Variants in MEIS1 observed in about 807,000 individuals in gnomAD.
MEIS1 encodes homeobox protein Meis1.
In MEIS1, 5 loss-of-function variants were observed where a neutral mutation model predicts 50.8. The ratio of observed to expected loss-of-function variants is 0.10; its 90% CI spans 0.05 to 0.21. The LOEUF is 0.21. Ranked by LOEUF, MEIS1 falls within the 10% of genes least tolerant of loss-of-function variation. MEIS1 has a pLI of 1.00. For synonymous variants in MEIS1, 176 were observed against 179.3 expected (o/e 0.98, Z 0.15); for missense variants, 318 against 517.3 (o/e 0.61, Z 3.74).
intron 9 of MEIS1, among the ~76,000 whole-genome samples, chr2:66,563,663 A>G (rs1470746971): frequency 6.6e-6 from 1 of 152,210 alleles, no homozygotes; most frequent in African/African-American, 2.4e-5. Context: ...TTTTAGAAAC[A>G]AACAGCTGGA....
At chr2:66,522,156 C>A (rs1487883510) in intron 8 of MEIS1, among the ~76,000 whole-genome samples, 10 of 152,180 alleles carry the variant, frequency 6.6e-5, no homozygotes, top group Non-Finnish European at 1.5e-5. Flanking sequence ...TTCCTTCTTT[C>A]TAGCCAGAAC....
chr2:66,470,487 T>C (rs1337145039), intron 7 of MEIS1, among the ~76,000 whole-genome samples: 1 of 152,234 alleles, frequency 6.6e-6, no homozygotes, highest in Non-Finnish European at 1.5e-5. Flanking sequence ...TTTCCTTTTA[T>C]TGACTCATCA....
Position 66,571,311 on chromosome 2 carries a change from C to A in MEIS1, c.*103C>A. On this transcript the variant is annotated 3_prime_UTR_variant, in exon 13 of 13. Transcript: ENST00000272369. ...TCCAATGGGTGTGAGTATGGGACAG[C>A]CAAGTTATACCCAACCCCAGATGCC... 1 of 1,598,228 alleles carries A rather than the reference C, an allele frequency of 6.3e-7. No homozygotes were observed. The highest frequency in any genetic ancestry group is 1.1e-5 in the South Asian group (1 of 89,340).
intron 8 of MEIS1, among the ~76,000 whole-genome samples, chr2:66,514,921 T>C (rs576746141): frequency 9.2e-5 from 14 of 152,306 alleles, no homozygotes; most frequent in Admixed American, 2.0e-4. Flanking sequence ...ATAAATTCTA[T>C]TTTAAAAACC....
intron 7 of MEIS1, among the ~76,000 whole-genome samples, chr2:66,486,942 T>G (rs2103797752): frequency 6.6e-6 from 1 of 152,356 alleles, no homozygotes; most frequent in South Asian, 2.1e-4. Flanking sequence ...GCACATTGAC[T>G]TTGTATCCTG....
Position 66,541,272 on chromosome 2 carries a change from T to C in MEIS1, c.889-6671T>C, listed in dbSNP as rs1247719992. Among the ~76,000 whole-genome samples, 3 of 152,038 alleles carry C rather than the reference T, an allele frequency of 2.0e-5. No individual in the cohort carries two copies. The South Asian group carries it at 6.2e-4, about 32-fold the overall frequency. ...CAGGATGGTCTCGATCTCCTGACCT[T>C]GTGATCCTCCCGTCTCGGCCTCCCA... On this transcript the variant is annotated intron_variant, in intron 8 of 12. Transcript: ENST00000272369.
At chr2:66,461,853 A>C in intron 6 of MEIS1, 3 of 470,750 alleles carry the variant, frequency 6.4e-6, no homozygotes, top group Non-Finnish European at 1.3e-5. Context: ...ATGGTGAATT[A>C]AGTGGTGGAT....
Position 66,464,178 on chromosome 2 carries a change from G to T in MEIS1, c.700G>T (p.Gly234Cys). The change falls in exon 7 of 13, where the codon GGT (glycine) becomes TGT (cysteine). Residue 234 changes from glycine to cysteine, a missense_variant. Transcript: ENST00000272369. Reference protein sequence around the residue: ...RSGGTPGPSSGGHTSHSGDNS... With the variant: ...RSGGTPGPSSCGHTSHSGDNS... ...AGGAGGAACCCCAGGCCCTTCCAGC[G>T]GTGGCCACACGTCACACAGTGGGGA... The T allele has an allele frequency of 1.2e-6, 2 of 1,605,122 alleles. No individual in the cohort carries two copies. The highest frequency in any genetic ancestry group is 1.7e-6 in the Non-Finnish European group (2 of 1,176,030).
chr2:66,538,648 C>A (rs1204022816), intron 8 of MEIS1, among the ~76,000 whole-genome samples: 1 of 152,160 alleles, frequency 6.6e-6, no homozygotes, highest in Admixed American at 6.5e-5. Context: ...TGCATCATCA[C>A]TGGGAATAGC....
At chr2:66,447,895 G>T (rs1672190160) in intron 6 of MEIS1, among the ~76,000 whole-genome samples, 1 of 152,064 alleles carries the variant, frequency 6.6e-6, no homozygotes, top group African/African-American at 2.4e-5. Flanking sequence ...ATGAATAATG[G>T]AAAGCAATGA....
chr2:66,464,621 T>C (rs775993719), intron 7 of MEIS1, among the ~76,000 whole-genome samples: 1 of 152,202 alleles, frequency 6.6e-6, no homozygotes, highest in Non-Finnish European at 1.5e-5. Flanking sequence ...TTAGGATGCT[T>C]ATAAGGCTGT....
intron 7 of MEIS1, among the ~76,000 whole-genome samples, chr2:66,473,397 A>AATATATATATATATATAT (rs1553373466): frequency 3.0e-4 from 32 of 107,450 alleles, no homozygotes; most frequent in African/African-American, 1.5e-3. Flanking sequence ...AAAAAAAAAA[A>AATATATATATATATATAT]ATATATATAT....
chr2:66,440,030 C>G, intron 3 of MEIS1, 46 bp downstream of exon 3: 1 of 1,544,454 alleles, frequency 6.5e-7, no homozygotes, highest in Non-Finnish European at 8.7e-7. Context: ...AAAAGAGAGC[C>G]CCCCCTTCGC....
Position 66,547,700 on chromosome 2 carries a change from T to C in MEIS1, c.889-243T>C, listed in dbSNP as rs1674824082. Among the ~76,000 whole-genome samples, 5 of 152,198 alleles carry C rather than the reference T, an allele frequency of 3.3e-5. No individual in the cohort carries two copies. The South Asian group carries it at 1.0e-3, about 32-fold the overall frequency. Reference sequence around the variant, plus strand: ...TCTGTGTTTGCAACAAATAAAGCTGTTAAAGGATAAACTCAGTGTCAAGGT... The same window carrying C: ...TCTGTGTTTGCAACAAATAAAGCTGCTAAAGGATAAACTCAGTGTCAAGGT... On this transcript the variant is annotated intron_variant, in intron 8 of 12. Coordinates refer to ENST00000272369, the MANE Select transcript of MEIS1 (RefSeq NM_002398.3).
intron 9 of MEIS1, 85 bp downstream of exon 9, chr2:66,548,104 C>A (rs939659389): frequency 2.3e-6 from 3 of 1,318,612 alleles, no homozygotes; most frequent in African/African-American, 2.9e-5. Flanking sequence ...AGAAGACACA[C>A]CCAGTTGCCA....
At chr2:66,501,411 T>C (rs1192702194) in intron 7 of MEIS1, among the ~76,000 whole-genome samples, 4 of 152,206 alleles carry the variant, frequency 2.6e-5, no homozygotes, top group African/African-American at 9.6e-5. Flanking sequence ...CATTAAAAAG[T>C]TATGCTGTTT....
At chr2:66,475,697 C>T (rs555897468) in intron 7 of MEIS1, among the ~76,000 whole-genome samples, 55 of 152,318 alleles carry the variant, frequency 3.6e-4, no homozygotes, top group African/African-American at 8.7e-4. Context: ...CTCCTCGTAT[C>T]CTCACACAGG....
intron 7 of MEIS1, among the ~76,000 whole-genome samples, chr2:66,475,248 T>A (rs1672865306): frequency 8.1e-6 from 1 of 123,284 alleles, no homozygotes; most frequent in African/African-American, 4.4e-5. Flanking sequence ...ATAAATATGT[T>A]ATTTATAAAA....
Position 66,443,025 on chromosome 2 carries a change from A to G in MEIS1, c.607A>G (p.Arg203Gly), listed in dbSNP as rs369833361. The G allele has an allele frequency of 8.1e-6, 13 of 1,599,640 alleles. No homozygotes were observed. In the Middle Eastern group the frequency reaches 5.0e-4, roughly 61 times the overall value. Residue 203 changes from arginine to glycine, a missense_variant, in exon 6 of 13, where the codon AGA becomes GGA. Around this residue, in one of 6 missense-constraint regions of MEIS1, gnomAD observed 48 missense variants for 50.9 expected, o/e 0.94. Coordinates refer to ENST00000272369, the MANE Select transcript of MEIS1 (RefSeq NM_002398.3). ...GSKSDSEDIT[R>G]SANLTDQPSW... is the part of the protein sequence containing the mutation. ...AAAATCAGACAGTGAAGATATAACA[A>G]GATCAGCAAATCTAACTGACCAGGT...
Sources: allele counts gnomAD v4.1 joint callset (sites outside exome capture counted in the v4.1 genomes callset), GRCh38; gene constraint gnomAD v4.1.1; regional missense constraint gnomAD v4.1.1; transcripts MANE v1.5; gene names NCBI Gene and HGNC (gene_info 2026-07-23, HGNC 2026-07-21).